Variants in AGBL4 observed in about 807,000 individuals in gnomAD.
AGBL4 encodes AGBL carboxypeptidase 4, also known as cytosolic carboxypeptidase 6.
A neutral mutation model predicts 66.4 loss-of-function variants in AGBL4; 58 were observed. The observed-to-expected ratio is 0.87, with a 90% CI of 0.71 to 1.09. The LOEUF is 1.09. Among genes scored for constraint, AGBL4 ranks in the 50% least tolerant of loss-of-function variants. The pLI, the probability that AGBL4 is intolerant of heterozygous loss-of-function variation, is 0.00. For synonymous variants in AGBL4, 234 were observed against 222.9 expected (o/e 1.05, Z -0.44); for missense variants, 579 against 631.0 (o/e 0.92, Z 0.88).
intron 5 of AGBL4, among the ~76,000 whole-genome samples, chr1:49,000,015 T>A (rs1379294866): frequency 1.3e-5 from 2 of 152,224 alleles, no homozygotes; most frequent in Non-Finnish European, 2.9e-5. Flanking sequence ...AGGTAACTTC[T>A]ATTCATCCTT....
chr1:49,779,200 G>A (rs369387099), intron 2 of AGBL4, among the ~76,000 whole-genome samples: 33 of 152,290 alleles, frequency 2.2e-4, no homozygotes, highest in South Asian at 6.2e-4. Context: ...GCACACCTAA[G>A]TTGAAACAAG....
intron 1 of AGBL4, among the ~76,000 whole-genome samples, chr1:49,985,730 G>A (rs761554040): frequency 3.3e-5 from 5 of 152,096 alleles, no homozygotes; most frequent in East Asian, 1.9e-4. Context: ...TCAGCTCTTT[G>A]AATGTAATGA....
At chr1:49,657,147 G>A (rs6664920) in intron 3 of AGBL4, among the ~76,000 whole-genome samples, 104,308 of 152,054 alleles carry the variant, frequency 0.69, 36,554 homozygotes, top group African/African-American at 0.79. Flanking sequence ...ATGATAAGCA[G>A]CTTCAGCAAA....
intron 1 of AGBL4, among the ~76,000 whole-genome samples, chr1:49,917,858 A>G (rs1017417492): frequency 7.9e-5 from 12 of 152,202 alleles, no homozygotes; most frequent in Non-Finnish European, 1.6e-4. Flanking sequence ...AGCAAATGCA[A>G]AACAACAGAA....
chr1:48,635,785 G>C (rs1224738700), intron 8 of AGBL4, among the ~76,000 whole-genome samples: 1 of 152,206 alleles, frequency 6.6e-6, no homozygotes, highest in Non-Finnish European at 1.5e-5. Context: ...CATAAGAGCA[G>C]TGATGCCTAG....
chr1:48,840,073 T>A (rs1355831883), intron 6 of AGBL4, among the ~76,000 whole-genome samples: 2 of 152,004 alleles, frequency 1.3e-5, no homozygotes, highest in African/African-American at 4.8e-5. Context: ...AGATGATGAG[T>A]GTGTTTTATA....
intron 6 of AGBL4, among the ~76,000 whole-genome samples, chr1:48,837,704 A>G (rs1646711806): frequency 1.1e-5 from 1 of 93,082 alleles, no homozygotes; most frequent in Non-Finnish European, 2.1e-5. Flanking sequence ...ACACGCACAC[A>G]CACACACTAT....
At chr1:49,826,860 G>C (rs566833409) in intron 2 of AGBL4, among the ~76,000 whole-genome samples, 5 of 152,096 alleles carry the variant, frequency 3.3e-5, no homozygotes, top group African/African-American at 7.2e-5. Flanking sequence ...TTCCACAAAA[G>C]AAATATTAGT....
At chr1:48,539,498 T>TCTTCTGCCCC (rs1316269081) in intron 12 of AGBL4, 144 bp downstream of exon 12, 4 of 580,488 alleles carry the variant, frequency 6.9e-6, no homozygotes, top group African/African-American at 1.9e-5. Context: ...TTCTGCCCCA[T>TCTTCTGCCCC]AAAATCTCGG....
intron 4 of AGBL4, among the ~76,000 whole-genome samples, chr1:49,190,312 G>C (rs1032396970): frequency 6.6e-6 from 1 of 152,304 alleles, no homozygotes; most frequent in African/African-American, 2.4e-5. Flanking sequence ...TGTCTCCTCA[G>C]GGCCTGCAGG....
chr1:49,833,494 A>G (rs1645755677), intron 2 of AGBL4, among the ~76,000 whole-genome samples: 1 of 152,088 alleles, frequency 6.6e-6, no homozygotes, highest in Admixed American at 6.6e-5. Flanking sequence ...TTGGTGCCAT[A>G]TGAACTTTAA....
intron 4 of AGBL4, among the ~76,000 whole-genome samples, chr1:49,109,820 T>A (rs1645370287): frequency 6.6e-6 from 1 of 152,172 alleles, no homozygotes; most frequent in African/African-American, 2.4e-5. Flanking sequence ...TCATGCATCA[T>A]CCAACATCAC....
intron 5 of AGBL4, among the ~76,000 whole-genome samples, chr1:48,872,653 AAAAC>A (rs1348862618): frequency 6.6e-6 from 1 of 152,216 alleles, no homozygotes; most frequent in South Asian, 2.1e-4. Context: ...GAAAGCATTA[AAAAC>A]AAACAAAACA....
intron 3 of AGBL4, among the ~76,000 whole-genome samples, chr1:49,645,679 T>C (rs1203069879): frequency 6.6e-6 from 1 of 150,570 alleles, no homozygotes; most frequent in Non-Finnish European, 1.5e-5. Context: ...CAAAAGATTC[T>C]GAATACAATG....
rs187894882 is a variant in AGBL4 at position 49,877,891 on chromosome 1, A to G, written c.35-26373T>C. 1.5e-4 allele frequency among the ~76,000 whole-genome samples: 23 copies of G among 151,940 alleles called. No individual in the cohort carries two copies. In the East Asian group the frequency reaches 4.1e-3, roughly 27 times the overall value. ...CTTCTTCCTGGTTTAGTCTTGGGAGAGTGTATGTGTCTACGAATGTATCCA... is the reference window on the plus strand; with the variant it reads ...CTTCTTCCTGGTTTAGTCTTGGGAGGGTGTATGTGTCTACGAATGTATCCA... On this transcript the variant is annotated intron_variant, in intron 1 of 13. Coordinates refer to ENST00000371839, the MANE Select transcript of AGBL4 (RefSeq NM_032785.4).
At chr1:49,011,023 G>T (rs1191065117) in intron 5 of AGBL4, among the ~76,000 whole-genome samples, 7 of 152,054 alleles carry the variant, frequency 4.6e-5, no homozygotes, top group Non-Finnish European at 8.8e-5. Flanking sequence ...AGACAAAATT[G>T]ACAAATGGGA....
chr1:49,155,192 C>T (rs532580883), intron 4 of AGBL4, among the ~76,000 whole-genome samples: 1 of 152,126 alleles, frequency 6.6e-6, no homozygotes, highest in South Asian at 2.1e-4. Context: ...AAAATAACCT[C>T]CAATGTAGAT....
At chr1:49,663,574 G>T (rs1039471367) in intron 3 of AGBL4, among the ~76,000 whole-genome samples, 3 of 152,052 alleles carry the variant, frequency 2.0e-5, no homozygotes, top group Non-Finnish European at 2.9e-5. Flanking sequence ...GTGATTAATA[G>T]AACTCTATTG....
chr1:49,473,262 C>T (rs551049906), intron 3 of AGBL4, among the ~76,000 whole-genome samples: 2 of 152,066 alleles, frequency 1.3e-5, no homozygotes, highest in South Asian at 2.1e-4. Context: ...TTCATGCCAA[C>T]GGTGTATAAG....
Sources: gnomAD v4.1 joint callset for allele counts (sites outside exome capture counted in the v4.1 genomes callset) on GRCh38, gnomAD v4.1.1 for gene constraint, MANE v1.5 for transcripts, NCBI Gene and HGNC (gene_info 2026-07-23, HGNC 2026-07-21) for gene names.